Variants in CUBN observed in about 807,000 individuals in gnomAD.
CUBN encodes the protein cubilin, also known as 460 kDa receptor.
Under a neutral mutation model 405.3 loss-of-function variants are expected in CUBN, and 282 were observed. That is an observed-to-expected ratio of 0.70 (90% confidence interval 0.63 to 0.77). CUBN has a LOEUF of 0.77. Ranked by LOEUF, CUBN falls within the 30% of genes least tolerant of loss-of-function variation. The pLI, the probability that CUBN is intolerant of heterozygous loss-of-function variation, is 0.00. For missense variants in CUBN, 4,514 were observed against 4,475.2 expected (o/e 1.01, Z -0.25); for synonymous variants, 1,684 against 1,617.0 (o/e 1.04, Z -0.99).
chr10:16,853,891 T>C (rs894706490), intron 59 of CUBN, among the ~76,000 whole-genome samples: 6 of 152,166 alleles, frequency 3.9e-5, no homozygotes, highest in Non-Finnish European at 8.8e-5. Context: ...TATGAATGGA[T>C]TGATAAATTT....
chr10:17,118,329 T>C (rs911818610), intron 6 of CUBN, among the ~76,000 whole-genome samples: 1 of 152,180 alleles, frequency 6.6e-6, no homozygotes, highest in Admixed American at 6.5e-5. Flanking sequence ...AGAAGATAAA[T>C]AGACACTTAG....
At chr10:16,972,912 T>C (rs1485224677) in intron 31 of CUBN, among the ~76,000 whole-genome samples, 1 of 152,052 alleles carries the variant, frequency 6.6e-6, no homozygotes, top group Non-Finnish European at 1.5e-5. Context: ...GATCCAAGCT[T>C]TTTCCATTGC....
intron 6 of CUBN, among the ~76,000 whole-genome samples, chr10:17,121,036 C>T (rs1378592615): frequency 6.6e-6 from 1 of 152,214 alleles, no homozygotes; most frequent in Non-Finnish European, 1.5e-5. Flanking sequence ...AGAGACTAGA[C>T]TGCATTTTGC....
At chr10:16,851,524 A>T (rs963703992) in intron 59 of CUBN, 81 bp from the exon 60 acceptor site, 1 of 1,269,204 alleles carries the variant, frequency 7.9e-7, no homozygotes, top group Non-Finnish European at 1.2e-6. Flanking sequence ...TAAAAAGAAC[A>T]TAGTTTCCAT....
At chr10:16,884,956 G>A (rs1244797973) in intron 56 of CUBN, among the ~76,000 whole-genome samples, 2 of 152,150 alleles carry the variant, frequency 1.3e-5, no homozygotes, top group African/African-American at 4.8e-5. Flanking sequence ...CTCAGAAACA[G>A]TTCCAAGTGC....
rs1290542700 is a variant in CUBN, at chr10:17,100,133, C to G, written c.1637G>C (p.Gly546Ala). ...DGDSSSAFQL[G>A]RFCGSSLPHE... ...AGGGAGGCTGGAGCCACAAAATCTT[C>G]CAAGTTGAAAAGCAGAAGAGGAATC... Residue 546 changes from glycine (G) to alanine (A), a missense_variant, in exon 14 of 67, where the codon GGA becomes GCA. Around this residue, in one of 5 missense-constraint regions of CUBN, gnomAD observed 1,448 missense variants for 1,388.0 expected, o/e 1.04. Coordinates refer to ENST00000377833, the MANE Select transcript of CUBN (RefSeq NM_001081.4). 1 of 1,613,840 alleles carries G rather than the reference C, an allele frequency of 6.2e-7. No individual in the cohort carries two copies. The highest frequency in any genetic ancestry group is 8.5e-7 in the Non-Finnish European group (1 of 1,179,834).
intron 28 of CUBN, among the ~76,000 whole-genome samples, chr10:17,018,022 C>T (rs544099464): frequency 1.3e-5 from 2 of 152,220 alleles, no homozygotes; most frequent in South Asian, 2.1e-4. Flanking sequence ...TCCTCTCTGT[C>T]AACCCTCAGC....
chr10:17,117,998 T>C (rs1836945934), intron 6 of CUBN, among the ~76,000 whole-genome samples: 1 of 152,214 alleles, frequency 6.6e-6, no homozygotes, highest in Non-Finnish European at 1.5e-5. Context: ...CACTAAGTGC[T>C]TAACTATTGC....
chr10:16,892,030 C>T (rs1374191104), intron 54 of CUBN, among the ~76,000 whole-genome samples: 4 of 152,162 alleles, frequency 2.6e-5, no homozygotes, highest in Non-Finnish European at 5.9e-5. Flanking sequence ...AAACACATCT[C>T]TTCTCAAGGA....
intron 17 of CUBN, among the ~76,000 whole-genome samples, chr10:17,079,380 T>C (rs1336870343): frequency 6.6e-6 from 1 of 151,576 alleles, no homozygotes; most frequent in Non-Finnish European, 1.5e-5. Flanking sequence ...GGATTACAGG[T>C]GCCCACCATC....
intron 54 of CUBN, among the ~76,000 whole-genome samples, chr10:16,891,690 G>T (rs948724633): frequency 1.3e-5 from 2 of 149,952 alleles, no homozygotes; most frequent in Non-Finnish European, 3.0e-5. Flanking sequence ...TGCATATTAG[G>T]TAATGAATAT....
At chr10:16,914,604 G>T (rs543685513) in intron 47 of CUBN, among the ~76,000 whole-genome samples, 5 of 151,544 alleles carry the variant, frequency 3.3e-5, no homozygotes, top group African/African-American at 1.2e-4. Flanking sequence ...AGCAGTGGTG[G>T]CTCACACCTG....
intron 40 of CUBN, among the ~76,000 whole-genome samples, chr10:16,932,183 C>T (rs1481806713): frequency 1.3e-5 from 2 of 152,146 alleles, no homozygotes; most frequent in Non-Finnish European, 2.9e-5. Context: ...GGACATAAAG[C>T]ACCTTCACCA....
At chr10:16,844,677 C>T (rs897626522) in intron 60 of CUBN, among the ~76,000 whole-genome samples, 4 of 152,206 alleles carry the variant, frequency 2.6e-5, no homozygotes, top group African/African-American at 9.6e-5. Context: ...GTTGAAATAG[C>T]TTGTGGCCTC....
At chr10:17,018,237 T>C (rs374221678) in intron 28 of CUBN, among the ~76,000 whole-genome samples, 2 of 152,026 alleles carry the variant, frequency 1.3e-5, no homozygotes, top group African/African-American at 4.8e-5. Flanking sequence ...TAGGACAGAA[T>C]AGCAAGCGAA....
At chr10:17,042,447 T>G (rs1488808591) in intron 26 of CUBN, among the ~76,000 whole-genome samples, 1 of 152,160 alleles carries the variant, frequency 6.6e-6, no homozygotes, top group Non-Finnish European at 1.5e-5. Context: ...ACAGATAATC[T>G]CACTAGTTTG....
intron 60 of CUBN, among the ~76,000 whole-genome samples, chr10:16,848,690 CTTTTTTTTTTTTTTTT>C (rs10562297): frequency 5.6e-5 from 3 of 53,338 alleles, no homozygotes; most frequent in African/African-American, 1.8e-4. Flanking sequence ...CTCTCCCAGC[CTTTTTTTTTTTTTTTT>C]TTTTTTTTTT....
intron 54 of CUBN, among the ~76,000 whole-genome samples, chr10:16,894,463 C>A (rs1841121815): frequency 6.6e-6 from 1 of 152,092 alleles, no homozygotes; most frequent in African/African-American, 2.4e-5. Flanking sequence ...TTGAAAAAAC[C>A]ATTCTTCCTA....
intron 4 of CUBN, among the ~76,000 whole-genome samples, chr10:17,126,413 G>A (rs1564525606): frequency 6.6e-6 from 1 of 152,166 alleles, no homozygotes; most frequent in African/African-American, 2.4e-5. Context: ...TGCTTTCCGA[G>A]CCCCAGTCCC....
Sources: gnomAD v4.1 joint callset for allele counts (sites outside exome capture counted in the v4.1 genomes callset) on GRCh38, gnomAD v4.1.1 for gene constraint, gnomAD v4.1.1 regional missense constraint, MANE v1.5 for transcripts, NCBI Gene and HGNC (gene_info 2026-07-23, HGNC 2026-07-21) for gene names.